Variants in SEMA4D observed in about 807,000 individuals in gnomAD.
SEMA4D encodes the protein semaphorin 4D, also known as semaphorin-4D.
In SEMA4D, 22 loss-of-function variants were observed where a neutral mutation model predicts 74.8. The observed-to-expected ratio is 0.29, with a 90% CI of 0.21 to 0.42. SEMA4D has a LOEUF of 0.42. Among genes scored for constraint, SEMA4D ranks in the 10% least tolerant of loss-of-function variants. SEMA4D has a pLI of 1.00. For missense variants in SEMA4D, 937 were observed against 1,118.4 expected (o/e 0.84, Z 2.31); for synonymous variants, 445 against 463.7 (o/e 0.96, Z 0.52).
At chr9:89,422,736 T>G (rs1442971105) in intron 2 of SEMA4D, among the ~76,000 whole-genome samples, 1 of 152,222 alleles carries the variant, frequency 6.6e-6, no homozygotes, top group Non-Finnish European at 1.5e-5. Context: ...CCAAGAATCT[T>G]TTCTGTCTGG....
chr9:89,363,682 T>C, intron 17 of SEMA4D: 1 of 1,594,504 alleles, frequency 6.3e-7, no homozygotes, highest in South Asian at 1.1e-5. Context: ...TTCACTGCCA[T>C]TGTAAATAGT....
intron 5 of SEMA4D, 70 bp from the exon 6 acceptor site, chr9:89,396,905 C>T (rs1217672025): frequency 7.2e-6 from 10 of 1,383,012 alleles, no homozygotes; most frequent in Admixed American, 5.8e-5. Context: ...AAACTGCTCA[C>T]GCCGTTCATC....
At chr9:89,401,667 C>A (rs918633279) in intron 4 of SEMA4D, among the ~76,000 whole-genome samples, 9 of 152,080 alleles carry the variant, frequency 5.9e-5, no homozygotes, top group Non-Finnish European at 1.3e-4. Flanking sequence ...AAAAATCAAT[C>A]AAAAAACTCA....
At chr9:89,421,309 G>A (rs982765223) in intron 2 of SEMA4D, among the ~76,000 whole-genome samples, 50 of 152,340 alleles carry the variant, frequency 3.3e-4, no homozygotes, top group African/African-American at 1.0e-3. Context: ...CACACACCTC[G>A]ATGGGGTAGG....
At chr9:89,489,669 G>GC (rs1825472728) in intron 1 of SEMA4D, among the ~76,000 whole-genome samples, 1 of 152,206 alleles carries the variant, frequency 6.6e-6, no homozygotes, top group African/African-American at 2.4e-5. Context: ...TCACATTGTA[G>GC]CATGTATCAG....
At chr9:89,461,700 C>CTCTCTCTTTTTTTTTTTTTT (rs71281350) in intron 1 of SEMA4D, among the ~76,000 whole-genome samples, 9 of 103,664 alleles carry the variant, frequency 8.7e-5, no homozygotes, top group South Asian at 3.8e-4. Context: ...TCTTTTTTCT[C>CTCTCTCTTTTTTTTTTTTTT]TTTTTTTTTT....
chr9:89,389,056 C>A lies in SEMA4D; in HGVS notation c.775-9G>T. Reference sequence around the variant, plus strand: ...AGGCCGCCCTGGTCCCCCTAAAACCCCAACAAGAAGACGTGGTGGGCCGAG... The same window carrying A: ...AGGCCGCCCTGGTCCCCCTAAAACCACAACAAGAAGACGTGGTGGGCCGAG... On this transcript the variant is annotated splice_polypyrimidine_tract_variant and intron_variant, in intron 9 of 15. Coordinates refer to ENST00000422704, the MANE Select transcript of SEMA4D (RefSeq NM_001371194.2). 1.9e-6 allele frequency: 3 copies of A among 1,613,886 alleles called. No homozygotes were observed. Among genetic ancestry groups the A allele is most frequent in the Non-Finnish European group, 2.5e-6 (3 of 1,179,856 alleles).
chr9:89,418,445 C>T (rs1440244125), intron 2 of SEMA4D: 1 of 984,736 alleles, frequency 1.0e-6, no homozygotes, highest in Non-Finnish European at 1.2e-6. Context: ...AGTCTGTGAA[C>T]CAAAAAAGTA....
chr9:89,472,032 G>A (rs1260295394), intron 1 of SEMA4D, among the ~76,000 whole-genome samples: 1 of 152,234 alleles, frequency 6.6e-6, no homozygotes, highest in African/African-American at 2.4e-5. Flanking sequence ...GTGCATGCCA[G>A]CTCGGGTGCA....
At chr9:89,361,270 G>A (rs1027297183) in exon 19 of SEMA4D, 4 of 152,198 alleles carry the variant, frequency 2.6e-5, no homozygotes, top group Admixed American at 6.5e-5. Flanking sequence ...ATTAGCAGGC[G>A]ATGTATGCTG....
At chr9:89,435,913 G>A (rs11265892) in intron 2 of SEMA4D, among the ~76,000 whole-genome samples, 4,125 of 152,320 alleles carry the variant, frequency 0.027, 75 homozygotes, top group Middle Eastern at 0.065. Flanking sequence ...CTGCTGTGCC[G>A]CATCCCAATG....
intron 16 of SEMA4D, chr9:89,367,709 G>T (rs146021957): frequency 1.3e-5 from 2 of 152,312 alleles, no homozygotes; most frequent in Admixed American, 6.5e-5. Context: ...GGCAGATGCC[G>T]TAGGTAATGA....
intron 2 of SEMA4D, among the ~76,000 whole-genome samples, chr9:89,447,653 G>A (rs907712727): frequency 6.6e-5 from 10 of 152,064 alleles, no homozygotes; most frequent in East Asian, 1.9e-4. Flanking sequence ...CAGCCTAACC[G>A]GGTGCCCGAC....
downstream of SEMA4D, among the ~76,000 whole-genome samples, chr9:89,373,637 C>T (rs914487042): frequency 9.9e-5 from 15 of 152,198 alleles, no homozygotes; most frequent in African/African-American, 3.6e-4. Context: ...TCAGACAGCC[C>T]CCAAACCACT....
intron 16 of SEMA4D, chr9:89,367,186 A>G (rs1321380453): frequency 1.3e-5 from 2 of 152,622 alleles, no homozygotes; most frequent in African/African-American, 2.4e-5. Flanking sequence ...AGGGAAAGTG[A>G]GAGTTACCAT....
intron 16 of SEMA4D, chr9:89,367,426 G>A (rs1365769075): frequency 2.6e-5 from 4 of 152,296 alleles, no homozygotes; most frequent in Non-Finnish European, 4.4e-5. Context: ...TCAAGAGAGC[G>A]GCCAGGCTGG....
intron 9 of SEMA4D, among the ~76,000 whole-genome samples, chr9:89,390,172 G>C (rs1267903607): frequency 6.6e-6 from 1 of 152,206 alleles, no homozygotes; most frequent in Non-Finnish European, 1.5e-5. Flanking sequence ...TTGGCTTCCC[G>C]ATGGCAGGGG....
downstream of SEMA4D, chr9:89,377,064 G>A (rs189784460): frequency 4.7e-3 from 7,210 of 1,527,270 alleles, 27 homozygotes; most frequent in Non-Finnish European, 5.8e-3. Context: ...GTGAGACAGA[G>A]AGGACAGAAA....
In SEMA4D at chr9:89,362,457, T is replaced by C. The variant is rs367802707; in HGVS notation, c.2191-29A>G. ...AAAGAACAATGTGGTCTTTGAATCC[T>C]TGGTGGAACGGATGGGCCTTTCCTG... On this transcript the variant is annotated intron_variant, in intron 18 of 18. Coordinates refer to the SEMA4D transcript ENST00000339861. 39 of 1,613,890 alleles carry C rather than the reference T, an allele frequency of 2.4e-5. No homozygotes were observed. The South Asian group carries it at 3.0e-4, about 12-fold the overall frequency.
Sources: gnomAD v4.1 joint callset for allele counts (sites outside exome capture counted in the v4.1 genomes callset) on GRCh38, gnomAD v4.1.1 for gene constraint, MANE v1.5 for transcripts, NCBI Gene and HGNC (gene_info 2026-07-23, HGNC 2026-07-21) for gene names.